The following SYT12 variants were observed in gnomAD, a reference collection of about 807,000 sequenced individuals.
The protein encoded by SYT12 is synaptotagmin 12, also known as synaptotagmin-12.
SYT12 carries 27 observed loss-of-function variants against 39.5 expected under a neutral mutation model. That is an observed-to-expected ratio of 0.68 (90% CI 0.50 to 0.94). The LOEUF is 0.94. Ranked by LOEUF, SYT12 falls within the 40% of genes least tolerant of loss-of-function variation. SYT12 has a pLI of 0.00. For synonymous variants in SYT12, 233 were observed against 239.7 expected, an observed-to-expected ratio of 0.97 and a Z score of 0.26; for missense variants, 536 against 572.6, an observed-to-expected ratio of 0.94 and a Z score of 0.65.
chr11:67,015,387 A>G (rs1370513830), intron 3 of SYT12, among the ~76,000 whole-genome samples: 1 of 152,030 alleles, frequency 6.6e-6, no homozygotes, highest in African/African-American at 2.4e-5. Context: ...TCCTCTCTGC[A>G]CCCCACAGGC....
upstream of SYT12, among the ~76,000 whole-genome samples, chr11:67,022,244 C>T (rs1950117337): frequency 6.6e-6 from 1 of 152,182 alleles, no homozygotes; most frequent in Non-Finnish European, 1.5e-5. Flanking sequence ...ACAGGCTGCC[C>T]TCAGCTCTAA....
At chr11:67,007,093 TC>T (rs1949975797) in exon 1 of SYT12, 1 of 152,314 alleles carries the variant, frequency 6.6e-6, no homozygotes, top group African/African-American at 2.4e-5. Flanking sequence ...GGAGTGGACT[TC>T]CTGATGGGGT....
At chr11:67,040,500 GA>G (rs1234829765) in intron 4 of SYT12, among the ~76,000 whole-genome samples, 1 of 152,212 alleles carries the variant, frequency 6.6e-6, no homozygotes, top group Admixed American at 6.5e-5. Flanking sequence ...GGTCCCGGCA[GA>G]AAAGGGATGA....
chr11:67,017,003 A>C (rs769120508), intron 3 of SYT12, among the ~76,000 whole-genome samples: 7 of 152,208 alleles, frequency 4.6e-5, no homozygotes, highest in Non-Finnish European at 1.0e-4. Flanking sequence ...TTCAAAGAAA[A>C]GATGTGAGGA....
intron 7 of SYT12, among the ~76,000 whole-genome samples, chr11:67,046,844 G>C (rs1178771654): frequency 6.6e-6 from 1 of 152,224 alleles, no homozygotes; most frequent in Non-Finnish European, 1.5e-5. Context: ...GTCCTCGGTT[G>C]TGAGTGCAAC....
At chr11:67,034,227 G>A (rs1421716301) in intron 2 of SYT12, among the ~76,000 whole-genome samples, 3 of 152,148 alleles carry the variant, frequency 2.0e-5, no homozygotes, top group African/African-American at 7.2e-5. Flanking sequence ...CTAATCTACT[G>A]TATAGACTGG....
chr11:67,042,735 G>T (rs185663882), intron 4 of SYT12, among the ~76,000 whole-genome samples: 41 of 152,340 alleles, frequency 2.7e-4, no homozygotes, highest in African/African-American at 9.9e-4. Flanking sequence ...GAGGTCAGGA[G>T]GTCAGGAGGC....
rs573687594 is a variant in SYT12 at position 67,042,831 on chromosome 11, C to T, written c.622-807C>T. On this transcript the variant is annotated intron_variant, in intron 4 of 7. Coordinates refer to ENST00000527043, the MANE Select transcript of SYT12 (RefSeq NM_177963.4). ...ACGTGAGCACTGTGCGAGGAGCCTT[C>T]CCACACCCAGGCAGTGACAGAAGAG... 5.9e-5 allele frequency among the ~76,000 whole-genome samples: 9 copies of T among 151,926 alleles called. No individual in the cohort carries two copies. In the South Asian group the frequency reaches 1.9e-3, roughly 32 times the overall value.
intron 2 of SYT12, among the ~76,000 whole-genome samples, chr11:67,010,609 C>G (rs780656137): frequency 6.6e-6 from 1 of 152,228 alleles, no homozygotes; most frequent in Non-Finnish European, 1.5e-5. Context: ...CTGCCACCAC[C>G]TCCAAATGCC....
Position 67,034,695 on chromosome 11 carries a change from C to G in SYT12, c.85C>G (p.Leu29Val), listed in dbSNP as rs1195070017. 6.2e-7 allele frequency: 1 copy of G among 1,603,068 alleles called. No homozygotes were observed. Among genetic ancestry groups the G allele is most frequent in the East Asian group, 2.3e-5 (1 of 43,922 alleles). Reference protein sequence around the residue: ...WEVGVYAAGALALLGIAAVSL... With the variant: ...WEVGVYAAGAVALLGIAAVSL... The stretch of plus-strand genomic sequence containing the variant: ...GGTGGGTGTCTATGCTGCAGGGGCC[C>G]TGGCCCTGCTGGGAATCGCAGCTGT... Residue 29 changes from leucine to valine, a missense_variant, in exon 3 of 8, where the codon CTG becomes GTG. Leu to Val is a conservative substitution (Grantham distance 32, BLOSUM62 1). Coordinates refer to ENST00000527043, the MANE Select transcript of SYT12 (RefSeq NM_177963.4).
At chr11:67,030,307 C>A in intron 2 of SYT12, 129 bp downstream of exon 2, 1 of 1,102,934 alleles carries the variant, frequency 9.1e-7, no homozygotes, top group Non-Finnish European at 1.3e-6. Context: ...CAAGGACAGT[C>A]AGTGACTTGC....
chr11:67,010,383 C>A (rs1040992766), intron 2 of SYT12, among the ~76,000 whole-genome samples: 1 of 152,196 alleles, frequency 6.6e-6, no homozygotes, highest in Non-Finnish European at 1.5e-5. Flanking sequence ...CCAGCTCTAA[C>A]ATGCTGGGCC....
At position 67,035,764 on chromosome 11, in the gene SYT12, T is replaced by C. The variant is rs1950351308; in HGVS notation, c.228+926T>C. ...GAGCCACCGCGCCCGGCCCTTCCTT[T>C]CTTTCTTTTCTTTTCTTTTCTTTTC... is the stretch of plus-strand genomic sequence containing the variant. On this transcript the variant is annotated intron_variant, in intron 3 of 7. Coordinates refer to ENST00000527043, the MANE Select transcript of SYT12 (RefSeq NM_177963.4). 2.0e-5 allele frequency among the ~76,000 whole-genome samples: 3 copies of C among 150,384 alleles called. No homozygotes were observed. In the South Asian group the frequency reaches 6.3e-4, roughly 32 times the overall value.
At chr11:67,008,878 C>T (rs571920852) in intron 1 of SYT12, among the ~76,000 whole-genome samples, 4 of 151,798 alleles carry the variant, frequency 2.6e-5, no homozygotes, top group East Asian at 1.9e-4. Context: ...CCTCAGGTTC[C>T]GAATGTGTAA....
intron 2 of SYT12, chr11:67,032,658 C>A (rs1202605459): frequency 2.0e-5 from 3 of 152,386 alleles, no homozygotes; most frequent in Non-Finnish European, 4.4e-5. Flanking sequence ...AATCCCAGCA[C>A]TTTGGGAGGC....
At chr11:67,045,698 G>A (rs764196290) in intron 6 of SYT12, 46 bp from the exon 7 acceptor site, 1 of 1,604,480 alleles carries the variant, frequency 6.2e-7, no homozygotes, top group Non-Finnish European at 8.5e-7. Context: ...GCAGGGCTGT[G>A]GTGAGTGAGT....
chr11:67,043,340 C>G (rs1950550021), intron 4 of SYT12, among the ~76,000 whole-genome samples: 1 of 152,242 alleles, frequency 6.6e-6, no homozygotes, highest in East Asian at 1.9e-4. Context: ...AGATGGAGAC[C>G]AGCTCGTCCA....
rs183443949 is a variant in SYT12, at chr11:67,017,949, A to G, written c.-68-3920A>G. Among the ~76,000 whole-genome samples, 1,296 of 151,198 alleles carry G rather than the reference A, an allele frequency of 8.6e-3. 15 individuals are homozygous for G. The highest frequency in any genetic ancestry group is 0.014 in the Non-Finnish European group (935 of 67,790). On this transcript the variant is annotated intron_variant, in intron 3 of 10. Coordinates refer to the SYT12 transcript ENST00000393946. ...CACTCCAGCCTGGAGGACAAGAGTG[A>G]GGCTACATATCAAAGAAAAAAAATT...
In SYT12 at chr11:67,040,029, G is replaced by GGT; in HGVS notation, c.448_449insTG (p.Asp150ValfsTer10). On this transcript the variant is annotated frameshift_variant, in exon 4 of 8. Coordinates refer to ENST00000527043, the MANE Select transcript of SYT12 (RefSeq NM_177963.4). LOFTEE classifies it high-confidence loss of function. ...CCTCCGTGAGCAACACCTTTGGGCAGGACTTCACACTGGGCCAGGTGGAGG... is the reference window on the plus strand; with the variant it reads ...CCTCCGTGAGCAACACCTTTGGGCAGGTGACTTCACACTGGGCCAGGTGGAGG... 1 of 1,613,992 alleles carries GGT rather than the reference G, an allele frequency of 6.2e-7. No individual in the cohort carries two copies. The highest frequency in any genetic ancestry group is 8.5e-7 in the Non-Finnish European group (1 of 1,180,022).
Sources: gnomAD v4.1 joint callset for allele counts (sites outside exome capture counted in the v4.1 genomes callset) on GRCh38, gnomAD v4.1.1 for gene constraint, MANE v1.5 for transcripts, NCBI Gene and HGNC (gene_info 2026-07-23, HGNC 2026-07-21) for gene names.